Variants in AASDHPPT observed in about 807,000 individuals in gnomAD.
AASDHPPT encodes aminoadipate-semialdehyde dehydrogenase-phosphopantetheinyl transferase.
A neutral mutation model predicts 36.4 loss-of-function variants in AASDHPPT; 23 were observed. That is an observed-to-expected ratio of 0.63 (90% CI 0.45 to 0.89). The LOEUF is 0.89. AASDHPPT is among the 40% of genes least tolerant of loss of function. AASDHPPT has a pLI of 0.00. For missense variants in AASDHPPT, 377 were observed against 378.2 expected (o/e 1.00, Z 0.03); for synonymous variants, 115 against 128.0 (o/e 0.90, Z 0.68).
At chr11:106,081,399 A>G (rs1411166819) in intron 2 of AASDHPPT, among the ~76,000 whole-genome samples, 2 of 152,216 alleles carry the variant, frequency 1.3e-5, no homozygotes, top group African/African-American at 2.4e-5. Flanking sequence ...CTGAAACTGT[A>G]TGCTACATTT....
intron 2 of AASDHPPT, among the ~76,000 whole-genome samples, chr11:106,088,954 A>G (rs775547030): frequency 2.6e-5 from 4 of 152,042 alleles, no homozygotes; most frequent in Non-Finnish European, 5.9e-5. Flanking sequence ...TACTGGGAGA[A>G]TCATAACTAT....
At chr11:106,077,977 C>A in intron 1 of AASDHPPT, 84 bp downstream of exon 1, 1 of 1,468,348 alleles carries the variant, frequency 6.8e-7, no homozygotes, top group Non-Finnish European at 9.2e-7. Context: ...CCGACACTCC[C>A]GCGCTGGCCG....
chr11:106,088,246 G>A (rs1345314819), intron 2 of AASDHPPT, among the ~76,000 whole-genome samples: 3 of 151,922 alleles, frequency 2.0e-5, no homozygotes, highest in Non-Finnish European at 2.9e-5. Context: ...TTAATAGCAT[G>A]CTTATTTAAA....
intron 4 of AASDHPPT, chr11:106,093,462 A>G (rs1446294274): frequency 1.3e-5 from 2 of 152,226 alleles, no homozygotes; most frequent in Admixed American, 6.5e-5. Flanking sequence ...AGGGCTACAT[A>G]GCAGACTTAC....
chr11:106,083,178 C>A (rs530213462), intron 2 of AASDHPPT, among the ~76,000 whole-genome samples: 2 of 152,090 alleles, frequency 1.3e-5, no homozygotes, highest in Non-Finnish European at 2.9e-5. Context: ...AGTTACAGGT[C>A]GGTCTTTTTC....
intron 2 of AASDHPPT, among the ~76,000 whole-genome samples, chr11:106,080,018 T>C (rs1411193120): frequency 6.6e-6 from 1 of 152,126 alleles, no homozygotes; most frequent in African/African-American, 2.4e-5. Flanking sequence ...CAGTTAATTG[T>C]TTGTTTTTTA....
chr11:106,091,517 A>G (rs762103202), intron 4 of AASDHPPT, 40 bp downstream of exon 4: 3 of 1,531,968 alleles, frequency 2.0e-6, no homozygotes, highest in South Asian at 1.3e-5. Flanking sequence ...AAGAATTTCT[A>G]TTTTTTATGC....
chr11:106,083,529 G>A (rs1861165778), intron 2 of AASDHPPT, among the ~76,000 whole-genome samples: 1 of 152,060 alleles, frequency 6.6e-6, no homozygotes, highest in African/African-American at 2.4e-5. Context: ...TAATGACTAG[G>A]AATATGAAAA....
Position 106,098,617 on chromosome 11 carries a change from C to T in AASDHPPT, c.*1710C>T, listed in dbSNP as rs963028763. 2 of 151,572 alleles carry T rather than the reference C, an allele frequency of 1.3e-5. No homozygotes were observed. The highest frequency in any genetic ancestry group is 4.8e-5 in the African/African-American group (2 of 41,304). 9.4% of individuals were successfully genotyped at this position (151,572 alleles called of 1,614,324 possible). A position where few individuals can be genotyped will look rare whatever the true frequency, so the allele number is the denominator to read the frequency against. The stretch of plus-strand genomic sequence containing the variant: ...TTATAATAGAGGAAGTATTGTTATC[C>T]CTAGCATGAGTGTAATGGTGATATG... On this transcript the variant is annotated 3_prime_UTR_variant, in exon 6 of 6. Transcript: ENST00000278618.
intron 1 of AASDHPPT, 47 bp from the exon 2 acceptor site, chr11:106,079,413 GCTTGTAT>G: frequency 7.0e-7 from 1 of 1,423,816 alleles, no homozygotes; most frequent in Non-Finnish European, 9.5e-7. Flanking sequence ...CATACAGTGT[GCTTGTAT>G]CTTTAGTAGA....
chr11:106,080,701 G>T (rs1473206933), intron 2 of AASDHPPT, among the ~76,000 whole-genome samples: 1 of 152,162 alleles, frequency 6.6e-6, no homozygotes, highest in Non-Finnish European at 1.5e-5. Flanking sequence ...AGGCTAAGAA[G>T]AAAGCTATTA....
intron 2 of AASDHPPT, among the ~76,000 whole-genome samples, chr11:106,087,697 G>A (rs776556344): frequency 6.6e-6 from 1 of 152,114 alleles, no homozygotes; most frequent in Non-Finnish European, 1.5e-5. Context: ...TTTGTTGTAT[G>A]TTACTACTGT....
chr11:106,088,771 A>G (rs1469713272), intron 2 of AASDHPPT, among the ~76,000 whole-genome samples: 1 of 152,080 alleles, frequency 6.6e-6, no homozygotes, highest in Non-Finnish European at 1.5e-5. Context: ...TGGCCCCAAA[A>G]GGGGTAAGAA....
chr11:106,079,397 C>A, intron 1 of AASDHPPT, 70 bp from the exon 2 acceptor site: 1 of 1,306,530 alleles, frequency 7.7e-7, no homozygotes, highest in East Asian at 2.6e-5. Flanking sequence ...AAAAAAAGTA[C>A]TATTGCATAC....
intron 4 of AASDHPPT, chr11:106,092,422 AAGATGTC>A (rs1861264548): frequency 6.6e-6 from 1 of 152,178 alleles, no homozygotes; most frequent in African/African-American, 2.4e-5. Flanking sequence ...CATCTAAGTG[AAGATGTC>A]AGATAGGTGA....
intron 2 of AASDHPPT, chr11:106,085,981 C>G (rs1861193192): frequency 6.6e-6 from 1 of 152,262 alleles, no homozygotes; most frequent in Non-Finnish European, 1.5e-5. Context: ...ATTAGGGATC[C>G]TCAATCTCTA....
chr11:106,090,757 C>G (rs953918862), intron 3 of AASDHPPT, 79 bp downstream of exon 3: 2 of 1,518,740 alleles, frequency 1.3e-6, no homozygotes, highest in African/African-American at 2.9e-5. Flanking sequence ...TCCTTGGTTA[C>G]CCAGTAGTGT....
chr11:106,095,454 T>G (rs1222578740), intron 5 of AASDHPPT, among the ~76,000 whole-genome samples: 1 of 152,234 alleles, frequency 6.6e-6, no homozygotes, highest in Non-Finnish European at 1.5e-5. Flanking sequence ...TTTCAATTAT[T>G]CAGCCACAAT....
In AASDHPPT at chr11:106,077,690, G is replaced by T; in HGVS notation, c.-21G>T. 1.2e-6 allele frequency: 2 copies of T among 1,604,898 alleles called. No homozygotes were observed. The highest frequency in any genetic ancestry group is 8.5e-7 in the Non-Finnish European group (1 of 1,173,098). ...TCCGCGCCATCAGGCCCGAGATAGC[G>T]GCGAGGTCCGCTTTCAGTGTATGGT... On this transcript the variant is annotated 5_prime_UTR_variant, in exon 1 of 6. Coordinates refer to ENST00000278618, the MANE Select transcript of AASDHPPT (RefSeq NM_015423.3).
Sources: gnomAD v4.1 joint callset for allele counts (sites outside exome capture counted in the v4.1 genomes callset) on GRCh38, gnomAD v4.1.1 for gene constraint, MANE v1.5 for transcripts, NCBI Gene and HGNC (gene_info 2026-07-23, HGNC 2026-07-21) for gene names.